The following EPHA5 variants were observed in gnomAD, a reference collection of about 807,000 sequenced individuals.
EPHA5 encodes the protein EPH receptor A5, also known as ephrin type-A receptor 5.
A neutral mutation model predicts 105.0 loss-of-function variants in EPHA5; 60 were observed. That is an observed-to-expected ratio of 0.57 (90% CI 0.46 to 0.71). The LOEUF is 0.71. Ranked by LOEUF, EPHA5 falls within the 30% of genes least tolerant of loss-of-function variation. The pLI, the probability that EPHA5 is intolerant of heterozygous loss-of-function variation, is 0.00. For missense variants in EPHA5, 1,218 were observed against 1,274.7 expected (o/e 0.96, Z 0.68); for synonymous variants, 513 against 449.1 (o/e 1.14, Z -1.80).
intron 3 of EPHA5, among the ~76,000 whole-genome samples, chr4:65,544,679 A>C (rs1422242584): frequency 6.6e-6 from 1 of 151,938 alleles, no homozygotes; most frequent in African/African-American, 2.4e-5. Flanking sequence ...AATTCCTCAA[A>C]GGTCTAGAAC....
intron 5 of EPHA5, among the ~76,000 whole-genome samples, chr4:65,477,312 A>C (rs1729916992): frequency 6.6e-6 from 1 of 152,320 alleles, no homozygotes; most frequent in African/African-American, 2.4e-5. Flanking sequence ...GATTCAGAGC[A>C]TTCTGGCTCT....
At chr4:65,543,510 T>G (rs1300625480) in intron 3 of EPHA5, among the ~76,000 whole-genome samples, 2 of 151,986 alleles carry the variant, frequency 1.3e-5, no homozygotes, top group African/African-American at 4.8e-5. Flanking sequence ...GGAATACAGC[T>G]AACAAGGGAT....
Position 65,665,084 on chromosome 4 carries a change from T to A in EPHA5, c.181+4478A>T, listed in dbSNP as rs182713881. 4.6e-5 allele frequency among the ~76,000 whole-genome samples: 7 copies of A among 152,086 alleles called. No individual in the cohort carries two copies. The East Asian group carries it at 1.3e-3, about 29-fold the overall frequency. On this transcript the variant is annotated intron_variant, in intron 1 of 16. Coordinates refer to ENST00000613740, the MANE Select transcript of EPHA5 (RefSeq NM_001281766.3). ...GAGTTATCAATAATTTGTTCAGCAA[T>A]TATTTCTTTGAAGTATGAACACGAT...
intron 5 of EPHA5, among the ~76,000 whole-genome samples, chr4:65,487,587 C>T (rs771201442): frequency 6.6e-6 from 1 of 152,124 alleles, no homozygotes; most frequent in Non-Finnish European, 1.5e-5. Context: ...GATCAGCTGG[C>T]ATCATACAGA....
chr4:65,616,014 C>G (rs1269760332), intron 2 of EPHA5, among the ~76,000 whole-genome samples: 2 of 151,768 alleles, frequency 1.3e-5, no homozygotes, highest in Non-Finnish European at 2.9e-5. Flanking sequence ...TTTATGGTAG[C>G]CGAAAACTGG....
At position 65,365,986 on chromosome 4, in the gene EPHA5, A is replaced by G; in HGVS notation, c.1933T>C (p.Phe645Leu). 6.2e-7 allele frequency: 1 copy of G among 1,609,562 alleles called. No individual in the cohort carries two copies. The highest frequency in any genetic ancestry group is 2.2e-5 in the East Asian group (1 of 44,714). Residue 645 changes from phenylalanine to leucine, a missense_variant, in exon 10 of 17, where the codon TTT (phenylalanine) becomes CTT (leucine). Coordinates refer to ENST00000613740, the MANE Select transcript of EPHA5 (RefSeq NM_001281766.3). ...CATGATGCTTCTATCTCCTTAGCAA[A>G]TTCGTGGACAGCTTGATTGGGATCC... The part of the protein sequence containing the change: ...YEDPNQAVHE[F>L]AKEIEASCIT...
chr4:65,495,607 A>C (rs1472224164), intron 3 of EPHA5, 64 bp from the exon 4 acceptor site: 1 of 1,395,578 alleles, frequency 7.2e-7, no homozygotes, highest in Non-Finnish European at 9.8e-7. Flanking sequence ...TTTTGTGAAT[A>C]ATGTCATTAT....
At chr4:65,458,499 C>T (rs1024034205) in intron 5 of EPHA5, among the ~76,000 whole-genome samples, 2 of 152,122 alleles carry the variant, frequency 1.3e-5, no homozygotes, top group African/African-American at 4.8e-5. Flanking sequence ...TGACCTTATT[C>T]AACTGTCTCC....
rs867681957 is a variant in EPHA5, at chr4:65,553,847, T to C, written c.910+47794A>G. On this transcript the variant is annotated intron_variant, in intron 3 of 16. Coordinates refer to ENST00000613740, the MANE Select transcript of EPHA5 (RefSeq NM_001281766.3). ...TTAAATAACTTATTTTTCCACAAAATGAAAGAACTTTCAGTAACATGGCAA... is the reference window on the plus strand; with the variant it reads ...TTAAATAACTTATTTTTCCACAAAACGAAAGAACTTTCAGTAACATGGCAA... Among the ~76,000 whole-genome samples, 5 of 152,120 alleles carry C rather than the reference T, an allele frequency of 3.3e-5. No individual in the cohort carries two copies. In the South Asian group the frequency reaches 8.3e-4, roughly 25 times the overall value.
intron 5 of EPHA5, among the ~76,000 whole-genome samples, chr4:65,449,450 A>G (rs1379331321): frequency 6.6e-6 from 1 of 152,224 alleles, no homozygotes; most frequent in African/African-American, 2.4e-5. Flanking sequence ...TGTATCTGCC[A>G]CAACAAAACC....
rs571363911 is a variant in EPHA5 at position 65,628,882 on chromosome 4, A to T, written c.246+14481T>A. On this transcript the variant is annotated intron_variant, in intron 2 of 16. Coordinates refer to ENST00000613740, the MANE Select transcript of EPHA5 (RefSeq NM_001281766.3). ...TGCCCAATATACAAAACTCTCTTAA[A>T]TTTTTTTTTCTAACAGCCTTGGCAG... Among the ~76,000 whole-genome samples, 7 of 151,822 alleles carry T rather than the reference A, an allele frequency of 4.6e-5. No individual in the cohort carries two copies. In the South Asian group the frequency reaches 8.3e-4, roughly 18 times the overall value.
chr4:65,666,761 G>A (rs1438715746), intron 1 of EPHA5, among the ~76,000 whole-genome samples: 1 of 151,774 alleles, frequency 6.6e-6, no homozygotes, highest in African/African-American at 2.4e-5. Flanking sequence ...TCCTCTTATT[G>A]TCTGCTATCC....
intron 2 of EPHA5, among the ~76,000 whole-genome samples, chr4:65,639,154 T>C (rs369948140): frequency 2.0e-5 from 3 of 152,352 alleles, no homozygotes; most frequent in East Asian, 3.9e-4. Context: ...TATGTTTCCC[T>C]ATGGAAATGA....
chr4:65,510,337 G>A (rs536838536), intron 3 of EPHA5, among the ~76,000 whole-genome samples: 11 of 151,608 alleles, frequency 7.3e-5, no homozygotes, highest in Admixed American at 2.6e-4. Context: ...GAGCCACTAC[G>A]CTCGGTGGAT....
rs545188493 is a variant in EPHA5, at chr4:65,662,331, C to T, written c.181+7231G>A. 2.0e-5 allele frequency among the ~76,000 whole-genome samples: 3 copies of T among 152,186 alleles called. No individual in the cohort carries two copies. The East Asian group carries it at 5.8e-4, about 29-fold the overall frequency. ...AAATATTTCAACCCTCAGGTTTTGG[C>T]TCTTTAATTTTTTTTATTTTTTACC... On this transcript the variant is annotated intron_variant, in intron 1 of 16. Transcript: ENST00000613740.
chr4:65,385,117 T>C (rs889891361), intron 8 of EPHA5, among the ~76,000 whole-genome samples: 4 of 151,864 alleles, frequency 2.6e-5, no homozygotes, highest in African/African-American at 7.2e-5. Flanking sequence ...GCTGTTTTCG[T>C]CAGCTCAAAT....
chr4:65,513,676 G>A (rs1004970505), intron 3 of EPHA5, among the ~76,000 whole-genome samples: 1 of 152,140 alleles, frequency 6.6e-6, no homozygotes, highest in Admixed American at 6.6e-5. Flanking sequence ...ATGAGCCACT[G>A]CGCCCAGCCT....
intron 8 of EPHA5, among the ~76,000 whole-genome samples, chr4:65,395,744 T>C (rs937849629): frequency 5.9e-5 from 9 of 152,208 alleles, no homozygotes; most frequent in African/African-American, 1.9e-4. Context: ...AGAAGACTGG[T>C]TGGCCAGAAA....
chr4:65,619,105 G>C (rs946037812), intron 2 of EPHA5, among the ~76,000 whole-genome samples: 3 of 151,992 alleles, frequency 2.0e-5, no homozygotes, highest in African/African-American at 7.3e-5. Context: ...CAGAGATCGC[G>C]GCACTGCACT....
Sources: gnomAD v4.1 joint callset for allele counts (sites outside exome capture counted in the v4.1 genomes callset) on GRCh38, gnomAD v4.1.1 for gene constraint, MANE v1.5 for transcripts, NCBI Gene and HGNC (gene_info 2026-07-23, HGNC 2026-07-21) for gene names.